The following ROBO2 variants were observed in gnomAD, a reference collection of about 807,000 sequenced individuals.
ROBO2 encodes the protein roundabout guidance receptor 2.
ROBO2 carries 53 observed loss-of-function variants against 160.8 expected under a neutral mutation model. The observed-to-expected ratio is 0.33, with a 90% CI of 0.26 to 0.41. ROBO2 has a LOEUF of 0.41. Ranked by LOEUF, ROBO2 falls within the 10% of genes least tolerant of loss-of-function variation. The probability of loss-of-function intolerance (pLI) is 1.00; values close to 1 mark genes in which losing one functional copy is unlikely to be tolerated. For synonymous variants in ROBO2, 664 were observed against 611.7 expected, an observed-to-expected ratio of 1.09 and a Z score of -1.26; for missense variants, 1,577 against 1,722.4, an observed-to-expected ratio of 0.92 and a Z score of 1.49.
At chr3:77,311,143 T>C (rs182726349) in intron 2 of ROBO2, among the ~76,000 whole-genome samples, 31 of 152,320 alleles carry the variant, frequency 2.0e-4, no homozygotes, top group Admixed American at 2.0e-3. Context: ...CCAATATATT[T>C]ATTCATTTCT....
intron 2 of ROBO2, among the ~76,000 whole-genome samples, chr3:77,426,610 G>GTGTGTGTC (rs1165183074): frequency 2.1e-5 from 3 of 143,354 alleles, no homozygotes; most frequent in Non-Finnish European, 4.5e-5. Flanking sequence ...GTGTGTGTCT[G>GTGTGTGTC]TGTGTGTGTG....
At chr3:77,129,495 T>C (rs2075652790) in intron 2 of ROBO2, among the ~76,000 whole-genome samples, 1 of 152,250 alleles carries the variant, frequency 6.6e-6, no homozygotes, top group Admixed American at 6.5e-5. Context: ...TTCTGCATTC[T>C]GCAGGTTGTG....
chr3:76,079,574 C>T (rs1341810230), intron 2 of ROBO2, among the ~76,000 whole-genome samples: 1 of 150,692 alleles, frequency 6.6e-6, no homozygotes, highest in Non-Finnish European at 1.5e-5. Context: ...ACCTCCGCCT[C>T]CCGGGTTCAA....
At chr3:76,359,531 CAT>C (rs1182096965) in intron 2 of ROBO2, among the ~76,000 whole-genome samples, 1 of 152,004 alleles carries the variant, frequency 6.6e-6, no homozygotes, top group Non-Finnish European at 1.5e-5. Flanking sequence ...TCTCGCTGGA[CAT>C]GTGATCCTTT....
At chr3:76,230,749 G>T (rs1704574259) in intron 2 of ROBO2, among the ~76,000 whole-genome samples, 1 of 151,998 alleles carries the variant, frequency 6.6e-6, no homozygotes, top group South Asian at 2.1e-4. Context: ...AGAAAGATAT[G>T]TTAAAGTCTT....
chr3:76,446,868 T>C (rs1300993689), intron 2 of ROBO2, among the ~76,000 whole-genome samples: 1 of 152,182 alleles, frequency 6.6e-6, no homozygotes, highest in Non-Finnish European at 1.5e-5. Context: ...ATCCCTTCCT[T>C]ACACCTTATA....
At chr3:76,138,955 A>G (rs1374611045) in intron 2 of ROBO2, among the ~76,000 whole-genome samples, 3 of 152,132 alleles carry the variant, frequency 2.0e-5, no homozygotes, top group Admixed American at 6.6e-5. Context: ...ATTTACTTAT[A>G]TGGAATTTGC....
At chr3:76,641,090 T>C (rs2090652230) in intron 2 of ROBO2, among the ~76,000 whole-genome samples, 1 of 152,176 alleles carries the variant, frequency 6.6e-6, no homozygotes, top group Admixed American at 6.5e-5. Context: ...CCATTGGACA[T>C]AAGCCACAGT....
chr3:76,691,968 T>A (rs2092811195), intron 2 of ROBO2, among the ~76,000 whole-genome samples: 1 of 152,102 alleles, frequency 6.6e-6, no homozygotes, highest in Admixed American at 6.6e-5. Flanking sequence ...TAGCCAAGAA[T>A]AGGGAGAAGA....
intron 2 of ROBO2, among the ~76,000 whole-genome samples, chr3:76,211,632 T>C (rs1354624118): frequency 6.6e-6 from 1 of 152,072 alleles, no homozygotes; most frequent in African/African-American, 2.4e-5. Flanking sequence ...ATTAAATGCT[T>C]ATCTACAGAA....
intron 2 of ROBO2, among the ~76,000 whole-genome samples, chr3:76,218,912 A>G (rs1451317866): frequency 1.3e-5 from 2 of 152,200 alleles, no homozygotes; most frequent in African/African-American, 4.8e-5. Context: ...ACTTCAAACT[A>G]TACTACAAGG....
chr3:76,730,225 CA>C (rs2093615312), intron 2 of ROBO2, among the ~76,000 whole-genome samples: 1 of 81,890 alleles, frequency 1.2e-5, no homozygotes, highest in Non-Finnish European at 2.9e-5. Context: ...ACTCCCTACC[CA>C]CCTCTCCTCA....
intron 2 of ROBO2, chr3:76,435,185 G>A (rs1357962509): frequency 6.9e-6 from 8 of 1,154,738 alleles, no homozygotes; most frequent in Non-Finnish European, 1.0e-5. Context: ...TCAACAGTAG[G>A]GATGTCAAAG....
chr3:76,827,559 A>G (rs1434779570), intron 2 of ROBO2, among the ~76,000 whole-genome samples: 1 of 152,166 alleles, frequency 6.6e-6, no homozygotes, highest in Non-Finnish European at 1.5e-5. Context: ...AAAGTTTAAG[A>G]AAGTTGACAA....
intron 2 of ROBO2, among the ~76,000 whole-genome samples, chr3:77,332,551 A>G (rs914319203): frequency 2.0e-5 from 3 of 152,224 alleles, no homozygotes; most frequent in South Asian, 4.1e-4. Context: ...ACTTAGTGTG[A>G]CGCAGTTATA....
At chr3:77,608,977 T>A (rs1056228643) in intron 21 of ROBO2, among the ~76,000 whole-genome samples, 3 of 151,916 alleles carry the variant, frequency 2.0e-5, no homozygotes, top group Non-Finnish European at 4.4e-5. Context: ...AGTCTTCAGA[T>A]TAATTTTTCT....
chr3:77,303,684 AATTGT>A (rs2062850120), intron 2 of ROBO2, among the ~76,000 whole-genome samples: 1 of 152,080 alleles, frequency 6.6e-6, no homozygotes, highest in Non-Finnish European at 1.5e-5. Flanking sequence ...TAATTAATCC[AATTGT>A]ATTCATCATT....
chr3:77,315,706 A>G (rs2153426112), intron 2 of ROBO2, among the ~76,000 whole-genome samples: 1 of 152,306 alleles, frequency 6.6e-6, no homozygotes, highest in South Asian at 2.1e-4. Flanking sequence ...GTAATTGGCT[A>G]CATGGATGGC....
rs551714082 is a variant in ROBO2 at position 76,680,330 on chromosome 3, C to T, written c.110-417684C>T. Among the ~76,000 whole-genome samples the T allele has an allele frequency of 2.0e-5, 3 of 148,184 alleles. No homozygotes were observed. In the East Asian group the frequency reaches 6.0e-4, roughly 30 times the overall value. ...TTTGTTTTCCTTTTAGTATTAAATG[C>T]TCTATATACTTCCTGACATGGATAT... On this transcript the variant is annotated intron_variant, in intron 2 of 26. Transcript: ENST00000487694.
Sources: allele counts gnomAD v4.1 joint callset (sites outside exome capture counted in the v4.1 genomes callset), GRCh38; gene constraint gnomAD v4.1.1; transcripts MANE v1.5; gene names NCBI Gene and HGNC (gene_info 2026-07-23, HGNC 2026-07-21).